Variants in TBC1D22A observed in about 807,000 individuals in gnomAD.
TBC1D22A encodes the protein putative GTPase activator.
A neutral mutation model predicts 60.2 loss-of-function variants in TBC1D22A; 38 were observed. The ratio of observed to expected loss-of-function variants is 0.63; its 90% CI spans 0.49 to 0.83. The LOEUF (loss-of-function observed/expected upper bound fraction) is 0.83, where lower values mean the gene tolerates loss of function less well. TBC1D22A is among the 40% of genes least tolerant of loss of function. The pLI, the probability that TBC1D22A is intolerant of heterozygous loss-of-function variation, is 0.00. For synonymous variants in TBC1D22A, 302 were observed against 281.7 expected (o/e 1.07, Z -0.72); for missense variants, 628 against 701.0 (o/e 0.90, Z 1.18).
intron 5 of TBC1D22A, among the ~76,000 whole-genome samples, chr22:46,882,651 G>A (rs1467896057): frequency 6.6e-6 from 1 of 152,208 alleles, no homozygotes. Context: ...GTCTGGGAGG[G>A]TTCGGGTGAG....
chr22:47,076,921 T>C (rs1026670450), intron 11 of TBC1D22A, among the ~76,000 whole-genome samples: 9 of 152,182 alleles, frequency 5.9e-5, no homozygotes, highest in African/African-American at 2.2e-4. Context: ...TAAGGGCAGC[T>C]TGAGTTCCAG....
chr22:46,970,563 G>T (rs1352064071), intron 8 of TBC1D22A, among the ~76,000 whole-genome samples: 3 of 152,182 alleles, frequency 2.0e-5, no homozygotes, highest in African/African-American at 4.8e-5. Flanking sequence ...GTCAATGCAG[G>T]CCCCAGCCAT....
chr22:47,031,273 C>T (rs1398306290), intron 10 of TBC1D22A, among the ~76,000 whole-genome samples: 2 of 152,352 alleles, frequency 1.3e-5, no homozygotes, highest in East Asian at 3.9e-4. Flanking sequence ...CAGTGCACAG[C>T]TTGGAGCCCG....
intron 11 of TBC1D22A, among the ~76,000 whole-genome samples, chr22:47,071,301 C>T (rs573856085): frequency 3.3e-5 from 5 of 152,364 alleles, no homozygotes; most frequent in African/African-American, 9.6e-5. Flanking sequence ...ACCCGCCTTA[C>T]AGCCTGTGCT....
At chr22:47,050,651 C>A (rs1253856456) in intron 11 of TBC1D22A, among the ~76,000 whole-genome samples, 1 of 152,194 alleles carries the variant, frequency 6.6e-6, no homozygotes, top group Non-Finnish European at 1.5e-5. Context: ...TACAGGGTGG[C>A]CACAGGAGAC....
At chr22:46,847,131 G>A (rs193027776) in intron 4 of TBC1D22A, among the ~76,000 whole-genome samples, 3 of 152,352 alleles carry the variant, frequency 2.0e-5, no homozygotes, top group Admixed American at 2.0e-4. Flanking sequence ...CAGTTCTGCG[G>A]TGACCTCTCC....
intron 4 of TBC1D22A, among the ~76,000 whole-genome samples, chr22:46,851,741 TA>T (rs1249926342): frequency 1.3e-5 from 2 of 152,162 alleles, no homozygotes; most frequent in Admixed American, 6.5e-5. Flanking sequence ...ATTTCAGAGG[TA>T]CTTAGTGACC....
chr22:46,942,176 G>C (rs1026949916), intron 8 of TBC1D22A, among the ~76,000 whole-genome samples: 60 of 151,950 alleles, frequency 3.9e-4, no homozygotes, highest in African/African-American at 1.3e-3. Flanking sequence ...AGTCTTACAG[G>C]ACTAGGCAGG....
intron 12 of TBC1D22A, among the ~76,000 whole-genome samples, chr22:47,167,405 G>T (rs1470647264): frequency 1.3e-5 from 2 of 152,228 alleles, no homozygotes; most frequent in African/African-American, 2.4e-5. Flanking sequence ...GGTTCACCAA[G>T]TGGGAAGGAG....
At chr22:46,792,667 G>C in intron 2 of TBC1D22A, 91 bp downstream of exon 2, 1 of 1,611,444 alleles carries the variant, frequency 6.2e-7, no homozygotes, top group Non-Finnish European at 8.5e-7. Context: ...CCTGCTCCCA[G>C]GCATTCCTCA....
intron 4 of TBC1D22A, among the ~76,000 whole-genome samples, chr22:46,842,107 A>G (rs1181995854): frequency 6.6e-6 from 1 of 152,232 alleles, no homozygotes; most frequent in Non-Finnish European, 1.5e-5. Flanking sequence ...AGTTACAGGT[A>G]TAGGTATTTT....
At chr22:47,136,980 G>C (rs531222580) in intron 12 of TBC1D22A, among the ~76,000 whole-genome samples, 1 of 152,200 alleles carries the variant, frequency 6.6e-6, no homozygotes, top group African/African-American at 2.4e-5. Flanking sequence ...TGCAGGTGGC[G>C]AGTGTGAGCA....
intron 12 of TBC1D22A, among the ~76,000 whole-genome samples, chr22:47,140,452 G>T (rs1176321932): frequency 6.6e-6 from 1 of 151,918 alleles, no homozygotes; most frequent in African/African-American, 2.4e-5. Context: ...CCAGCTACTG[G>T]GGAGGCTGAG....
At chr22:46,899,446 CAA>C (rs1282599306) in intron 7 of TBC1D22A, among the ~76,000 whole-genome samples, 3,192 of 131,546 alleles carry the variant, frequency 0.024, 106 homozygotes, top group African/African-American at 0.081. Context: ...TACTTCGTCT[CAA>C]AAAAAAAAAA....
rs1288541495 is a variant in TBC1D22A, at chr22:46,838,443, A to G, written c.638-40210A>G. On this transcript the variant is annotated intron_variant, in intron 4 of 12. Transcript: ENST00000337137. ...GATACATCCCAACGAGGAAAAGCTCAGGACCAGATGGCTTCACTGGTGAAT... is the reference window on the plus strand; with the variant it reads ...GATACATCCCAACGAGGAAAAGCTCGGGACCAGATGGCTTCACTGGTGAAT... 2.0e-5 allele frequency among the ~76,000 whole-genome samples: 3 copies of G among 152,266 alleles called. No homozygotes were observed. The East Asian group carries it at 5.8e-4, about 29-fold the overall frequency.
At chr22:47,081,816 G>T (rs573036575) in intron 11 of TBC1D22A, among the ~76,000 whole-genome samples, 1 of 152,094 alleles carries the variant, frequency 6.6e-6, no homozygotes, top group Non-Finnish European at 1.5e-5. Context: ...CTAAACATAT[G>T]GTGAGATATA....
At position 47,017,465 on chromosome 22, in the gene TBC1D22A, C is replaced by T. The variant is rs78071523; in HGVS notation, c.1202-19606C>T. Among the ~76,000 whole-genome samples, 493 of 152,218 alleles carry T rather than the reference C, an allele frequency of 3.2e-3. 3 individuals are homozygous for T. The highest frequency in any genetic ancestry group is 0.011 in the African/African-American group (475 of 41,540). On this transcript the variant is annotated intron_variant, in intron 10 of 12. Transcript: ENST00000337137. ...AACCTGGAGCTGGGCGTTGGGCAGG[C>T]GCCATGATGGGGTTGGCGGCAGAAT...
chr22:46,847,395 C>T (rs758439122), intron 4 of TBC1D22A, among the ~76,000 whole-genome samples: 1 of 152,170 alleles, frequency 6.6e-6, no homozygotes, highest in African/African-American at 2.4e-5. Context: ...CCTAGACGTA[C>T]CCAGTAGGTC....
intron 11 of TBC1D22A, among the ~76,000 whole-genome samples, chr22:47,084,392 A>C (rs2064596271): frequency 1.3e-5 from 2 of 152,192 alleles, no homozygotes; most frequent in Non-Finnish European, 2.9e-5. Context: ...TGGGTGCATC[A>C]ACAGGTTGCT....
Sources: gnomAD v4.1 joint callset for allele counts (sites outside exome capture counted in the v4.1 genomes callset) on GRCh38, gnomAD v4.1.1 for gene constraint, MANE v1.5 for transcripts, NCBI Gene and HGNC (gene_info 2026-07-23, HGNC 2026-07-21) for gene names.